The following SORD variants were observed in gnomAD, a reference collection of about 807,000 sequenced individuals.
SORD encodes the protein (R,R)-butanediol dehydrogenase.
In SORD, 18 loss-of-function variants were observed where a neutral mutation model predicts 35.6. The observed-to-expected ratio is 0.51, with a 90% CI of 0.35 to 0.75. The LOEUF is 0.75. Ranked by LOEUF, SORD falls within the 30% of genes least tolerant of loss-of-function variation. The pLI, the probability that SORD is intolerant of heterozygous loss-of-function variation, is 0.01. For synonymous variants in SORD, 106 were observed against 152.9 expected (o/e 0.69, Z 2.26); for missense variants, 250 against 390.2 (o/e 0.64, Z 3.03).
At chr15:45,028,833 G>T (rs73421324) in intron 1 of SORD, among the ~76,000 whole-genome samples, 1 of 146,928 alleles carries the variant, frequency 6.8e-6, no homozygotes, top group African/African-American at 2.6e-5. Context: ...CTGTAATACA[G>T]CACATTCAAA....
intron 3 of SORD, among the ~76,000 whole-genome samples, chr15:45,047,576 A>T (rs1336101291): frequency 1.3e-5 from 2 of 152,184 alleles, no homozygotes; most frequent in Non-Finnish European, 2.9e-5. Context: ...CACAATGGGC[A>T]TTTGGTAAAT....
At chr15:45,038,642 A>G (rs199868793) in intron 1 of SORD, among the ~76,000 whole-genome samples, 2,128 of 151,822 alleles carry the variant, frequency 0.014, 15 homozygotes, top group Middle Eastern at 0.024. Context: ...AGTGTACCTG[A>G]TGCTAAAGCG....
At chr15:45,027,214 A>T (rs796238199) in intron 1 of SORD, among the ~76,000 whole-genome samples, 29,427 of 147,356 alleles carry the variant, frequency 0.2, no homozygotes, top group African/African-American at 0.44. Context: ...AAAGGGACTG[A>T]TGACCAAGTT....
rs199999714 is a variant in SORD at position 45,069,019 on chromosome 15, G to C, written c.753G>C (p.Thr251=). 1.9e-6 allele frequency: 3 copies of C among 1,596,772 alleles called. No homozygotes were observed. The highest frequency in any genetic ancestry group is 2.2e-5 in the South Asian group (2 of 89,850). The change falls in exon 7 of 9, where the codon ACG becomes ACC. Residue 251 remains threonine (T), a synonymous_variant. Transcript: ENST00000267814. ...GCKPEVTIEC[T]GAEASIQAGI... is the part of the protein sequence containing the mutation. ...AGCCGGAAGTCACCATCGAGTGCAC[G>C]GGGGCAGAGGCCTCCATCCAGGCGG... is the stretch of plus-strand genomic sequence containing the variant.
chr15:45,032,124 G>T (rs1892796621), intron 1 of SORD, among the ~76,000 whole-genome samples: 1 of 130,140 alleles, frequency 7.7e-6, no homozygotes, highest in South Asian at 2.7e-4. Flanking sequence ...ACAAAAAGTA[G>T]AATGGTGTTT....
At chr15:45,028,026 C>T (rs1028253766) in intron 1 of SORD, among the ~76,000 whole-genome samples, 3 of 152,360 alleles carry the variant, frequency 2.0e-5, no homozygotes, top group African/African-American at 7.2e-5. Flanking sequence ...TGCTGTGTCA[C>T]GTCAAAATGC....
chr15:45,041,899 C>A (rs184292058), intron 2 of SORD: 1 of 152,342 alleles, frequency 6.6e-6, no homozygotes, highest in African/African-American at 2.4e-5. Flanking sequence ...ATTGCTACTT[C>A]AAGAGAGGAA....
At chr15:45,064,316 C>G (rs1422875472) in intron 4 of SORD, among the ~76,000 whole-genome samples, 2 of 152,150 alleles carry the variant, frequency 1.3e-5, no homozygotes, top group African/African-American at 4.8e-5. Flanking sequence ...TGGCAATTCT[C>G]TTAATGTCAG....
At chr15:45,037,214 T>C (rs1410584903) in intron 1 of SORD, among the ~76,000 whole-genome samples, 4 of 152,380 alleles carry the variant, frequency 2.6e-5, no homozygotes, top group East Asian at 1.9e-4. Context: ...AAGCGTGTTC[T>C]GCTACAGGCA....
chr15:45,054,589 G>T (rs1459705542), intron 3 of SORD, among the ~76,000 whole-genome samples: 1 of 151,996 alleles, frequency 6.6e-6, no homozygotes, highest in Non-Finnish European at 1.5e-5. Context: ...CTCCCATTTT[G>T]TAGGTTGCCT....
In SORD at chr15:45,074,415, C is replaced by T. The variant is rs1424655820; in HGVS notation, c.*885C>T. 1 of 150,524 alleles carries T rather than the reference C, an allele frequency of 6.6e-6. No homozygotes were observed. The highest frequency in any genetic ancestry group is 2.5e-5 in the African/African-American group (1 of 39,968). 9.3% of individuals were successfully genotyped at this position (150,524 alleles called of 1,614,324 possible). A position where few individuals can be genotyped will look rare whatever the true frequency, so the allele number is the denominator to read the frequency against. ...TCCCCCACCCCAGAAGATTAGCATC[C>T]CATACTAGACTCATACTCAACTCAA... On this transcript the variant is annotated 3_prime_UTR_variant, in exon 9 of 9. Coordinates refer to ENST00000267814, the MANE Select transcript of SORD (RefSeq NM_003104.6).
intron 3 of SORD, among the ~76,000 whole-genome samples, chr15:45,049,222 G>T (rs1319124065): frequency 1.3e-5 from 2 of 152,082 alleles, no homozygotes; most frequent in Admixed American, 1.3e-4. Flanking sequence ...TGCCTAACTG[G>T]TTTTTTTCTT....
At chr15:45,064,472 G>A (rs952559302) in intron 4 of SORD, among the ~76,000 whole-genome samples, 15 of 152,154 alleles carry the variant, frequency 9.9e-5, no homozygotes, top group Non-Finnish European at 1.8e-4. Context: ...ATTTGCTATC[G>A]TCATCAGCTG....
rs1344146581 is a variant in SORD at position 45,038,141 on chromosome 15, TTCCTTCC to T, written c.67-2265_67-2259del. On this transcript the variant is annotated intron_variant, in intron 1 of 8. Coordinates refer to ENST00000267814, the MANE Select transcript of SORD (RefSeq NM_003104.6). ...CTCGCATCCTCCCTTCCTTCCTTCC[TTCCTTCC>T]TTCCTTCCTTCCTTCCTTCCTTCCT... 8.5e-3 allele frequency among the ~76,000 whole-genome samples: 908 copies of T among 106,278 alleles called. 8 individuals are homozygous for T. The highest frequency in any genetic ancestry group is 0.041 in the African/African-American group (882 of 21,334). 69.7% of individuals were successfully genotyped at this position (106,278 alleles called of 152,430 possible). A position where few individuals can be genotyped will look rare whatever the true frequency, so the allele number is the denominator to read the frequency against.
chr15:45,034,607 G>A lies in SORD; in HGVS notation c.67-5801G>A, dbSNP rs147131441. Among the ~76,000 whole-genome samples, 892 of 152,374 alleles carry A rather than the reference G, an allele frequency of 5.9e-3. 8 individuals carry two copies. Among genetic ancestry groups the A allele is most frequent in the African/African-American group, 0.02 (849 of 41,582 alleles). ...TGAAGTATTTCCATGAGTTACTTCA[G>A]GAGTGGGCTGGTAGGGCAGCGGGAG... is the stretch of plus-strand genomic sequence containing the variant. On this transcript the variant is annotated intron_variant, in intron 1 of 8. Transcript: ENST00000267814.
intron 3 of SORD, among the ~76,000 whole-genome samples, chr15:45,060,733 G>A (rs1893288770): frequency 2.4e-5 from 1 of 41,678 alleles, no homozygotes; most frequent in South Asian, 6.4e-4. Flanking sequence ...GGAAGTGGCT[G>A]TGGAGATAGA....
In SORD at chr15:45,023,306, A is replaced by T. The variant is rs1487846276; in HGVS notation, c.23A>T (p.Asn8Ile). Reference sequence around the variant, plus strand: ...TCCATGGCGGCGGCGGCCAAGCCCAACAACCTTTCCCTGGTGGTGCACGGA... The same window carrying T: ...TCCATGGCGGCGGCGGCCAAGCCCATCAACCTTTCCCTGGTGGTGCACGGA... The part of the protein sequence containing the change: MAAAAKP[N>I]NLSLVVHGPG... The change falls in exon 1 of 9, where the codon AAC becomes ATC. Residue 8 changes from asparagine to isoleucine, a missense_variant. This residue lies in a region of SORD where 43 missense variants were observed against 30.6 expected (regional missense o/e 1.40). Transcript: ENST00000267814. 1 of 1,591,216 alleles carries T rather than the reference A, an allele frequency of 6.3e-7. No individual in the cohort carries two copies. Among genetic ancestry groups the T allele is most frequent in the Non-Finnish European group, 8.5e-7 (1 of 1,170,234 alleles).
At chr15:45,034,535 G>A (rs1892828803) in intron 1 of SORD, among the ~76,000 whole-genome samples, 1 of 152,256 alleles carries the variant, frequency 6.6e-6, no homozygotes, top group Admixed American at 6.5e-5. Flanking sequence ...CATTTAGTAT[G>A]TGAGAGGTAC....
intron 1 of SORD, among the ~76,000 whole-genome samples, chr15:45,031,743 C>G (rs959038959): frequency 2.7e-5 from 4 of 149,978 alleles, no homozygotes; most frequent in Non-Finnish European, 5.9e-5. Context: ...CGGTGTGAGC[C>G]ATCCCGCCTG....
Sources: gnomAD v4.1 joint callset for allele counts (sites outside exome capture counted in the v4.1 genomes callset) on GRCh38, gnomAD v4.1.1 for gene constraint, gnomAD v4.1.1 regional missense constraint, MANE v1.5 for transcripts, NCBI Gene and HGNC (gene_info 2026-07-23, HGNC 2026-07-21) for gene names.